The following MTDH variants were observed in gnomAD, a reference collection of about 807,000 sequenced individuals.
The protein encoded by MTDH is metadherin, also known as protein LYRIC.
In MTDH, 34 loss-of-function variants were observed where a neutral mutation model predicts 72.7. The ratio of observed to expected loss-of-function variants is 0.47; its 90% CI spans 0.36 to 0.62. The LOEUF is 0.62. MTDH is among the 20% of genes least tolerant of loss of function. The probability of loss-of-function intolerance (pLI) is 0.00; values close to 1 mark genes in which losing one functional copy is unlikely to be tolerated. For synonymous variants in MTDH, 266 were observed against 268.9 expected (o/e 0.99, Z 0.10); for missense variants, 677 against 699.4 (o/e 0.97, Z 0.36).
intron 1 of MTDH, among the ~76,000 whole-genome samples, chr8:97,645,772 A>G (rs1811541842): frequency 6.6e-6 from 1 of 152,138 alleles, no homozygotes; most frequent in Admixed American, 6.5e-5. Flanking sequence ...TTCTCCCATT[A>G]TATCTTTCAT....
At position 97,723,049 on chromosome 8, in the gene MTDH, A is replaced by G; in HGVS notation, c.1678+14A>G. ...CTCCTTCACAGAGTAAGTAATCCTC[A>G]TTTTTTGTTCCTTTGTACTGTTTAC... On this transcript the variant is annotated intron_variant, in intron 11 of 11. Coordinates refer to ENST00000336273, the MANE Select transcript of MTDH (RefSeq NM_178812.4). 6.2e-7 allele frequency: 1 copy of G among 1,611,110 alleles called. No homozygotes were observed. Among genetic ancestry groups the G allele is most frequent in the African/African-American group, 1.3e-5 (1 of 74,858 alleles).
rs79417311 is a variant in MTDH, at chr8:97,682,861, A to G, written c.484-3807A>G. On this transcript the variant is annotated intron_variant, in intron 2 of 11. Coordinates refer to ENST00000336273, the MANE Select transcript of MTDH (RefSeq NM_178812.4). ...GAGGTTAGTAGGAATTTTTGTCCAT[A>G]TGACGGGTGGGGAACAGGGTTTAGA... 7.6e-3 allele frequency among the ~76,000 whole-genome samples: 1,158 copies of G among 151,948 alleles called. 14 individuals carry two copies. The highest frequency in any genetic ancestry group is 0.026 in the African/African-American group (1,081 of 41,462).
chr8:97,709,831 T>C (rs1191810568), intron 8 of MTDH, among the ~76,000 whole-genome samples: 3 of 152,232 alleles, frequency 2.0e-5, no homozygotes, highest in African/African-American at 7.2e-5. Flanking sequence ...GTAATGTCCT[T>C]TTTATTTAAA....
intron 2 of MTDH, among the ~76,000 whole-genome samples, chr8:97,685,370 T>C (rs1389346047): frequency 6.6e-6 from 1 of 152,218 alleles, no homozygotes; most frequent in African/African-American, 2.4e-5. Context: ...ATGTAATCTC[T>C]TGTCAAAGAC....
chr8:97,668,320 A>G (rs1229749323), intron 2 of MTDH, among the ~76,000 whole-genome samples: 2 of 152,168 alleles, frequency 1.3e-5, no homozygotes, highest in Non-Finnish European at 1.5e-5. Context: ...GAAGATCTTT[A>G]TAACTCAGTG....
intron 2 of MTDH, among the ~76,000 whole-genome samples, chr8:97,667,092 G>A (rs1812423135): frequency 6.6e-6 from 1 of 152,148 alleles, no homozygotes; most frequent in African/African-American, 2.4e-5. Context: ...CCAGGCTCAA[G>A]CAATCCTTCT....
At chr8:97,666,677 C>T (rs1812402273) in intron 2 of MTDH, among the ~76,000 whole-genome samples, 1 of 152,162 alleles carries the variant, frequency 6.6e-6, no homozygotes, top group Non-Finnish European at 1.5e-5. Flanking sequence ...GGCAGTGGAA[C>T]CAAACTTCCA....
At chr8:97,663,622 G>A (rs368889982) in intron 2 of MTDH, among the ~76,000 whole-genome samples, 8 of 151,926 alleles carry the variant, frequency 5.3e-5, no homozygotes, top group African/African-American at 7.3e-5. Context: ...GGTAGCGGGC[G>A]CCTGTAGTCC....
rs778309192 is a variant in MTDH at position 97,644,721 on chromosome 8, C to T, written c.215C>T (p.Ala72Val). The change falls in exon 1 of 12, where the codon GCC becomes GTC. Residue 72 changes from alanine (A) to valine (V), a missense_variant. This residue lies in a region of MTDH where 467 missense variants were observed against 469.1 expected (regional missense o/e 1.00). Transcript: ENST00000336273. The stretch of plus-strand genomic sequence containing the variant: ...CTGTTTCTGCTGGGCTACGGCTGGG[C>T]CGCGGCTTGCGCCGGCGCCCGCAAA... Reference protein sequence around the residue: ...LLLFLLGYGWAAACAGARKKR... With the variant: ...LLLFLLGYGWVAACAGARKKR... 5 of 1,586,524 alleles carry T rather than the reference C, an allele frequency of 3.2e-6. No individual in the cohort carries two copies. The South Asian group carries it at 3.4e-5, about 11-fold the overall frequency.
At chr8:97,652,899 C>T (rs985435669) in intron 1 of MTDH, among the ~76,000 whole-genome samples, 3 of 151,882 alleles carry the variant, frequency 2.0e-5, no homozygotes, top group Non-Finnish European at 2.9e-5. Context: ...TTCGGGCGGA[C>T]CACCAGGTCA....
chr8:97,729,784 C>T lies in MTDH; in HGVS notation c.*5114C>T, dbSNP rs1815490488. 1.3e-5 allele frequency among the ~76,000 whole-genome samples: 2 copies of T among 152,090 alleles called. No individual in the cohort carries two copies. The highest frequency in any genetic ancestry group is 2.4e-5 in the African/African-American group (1 of 41,406). On this transcript the variant is annotated 3_prime_UTR_variant, in exon 12 of 12. Coordinates refer to ENST00000336273, the MANE Select transcript of MTDH (RefSeq NM_178812.4). ...GGGATTACAGGCATGAACCACTGTGCCCAGTCTATATATAATAGATTTTAG... is the reference window on the plus strand; with the variant it reads ...GGGATTACAGGCATGAACCACTGTGTCCAGTCTATATATAATAGATTTTAG...
intron 1 of MTDH, among the ~76,000 whole-genome samples, chr8:97,653,177 A>T (rs1811842450): frequency 6.6e-6 from 1 of 152,228 alleles, no homozygotes; most frequent in South Asian, 2.1e-4. Flanking sequence ...ATTATAAGTA[A>T]AACAAATATT....
chr8:97,659,589 G>A (rs2130929522), intron 1 of MTDH, among the ~76,000 whole-genome samples: 2 of 152,300 alleles, frequency 1.3e-5, no homozygotes, highest in Admixed American at 1.3e-4. Context: ...ACAAATGCAT[G>A]TTAAGTCATA....
intron 9 of MTDH, among the ~76,000 whole-genome samples, chr8:97,714,476 C>A (rs907339815): frequency 6.9e-6 from 1 of 144,700 alleles, no homozygotes; most frequent in African/African-American, 2.5e-5. Flanking sequence ...CGGTGGCATA[C>A]GCTTGTAGCC....
intron 7 of MTDH, among the ~76,000 whole-genome samples, chr8:97,700,472 ATTT>A (rs1259079477): frequency 2.0e-5 from 3 of 152,028 alleles, no homozygotes; most frequent in Non-Finnish European, 4.4e-5. Context: ...GTTTTCCACC[ATTT>A]TTAAGCATAT....
At chr8:97,696,950 G>A (rs1247447721) in intron 6 of MTDH, among the ~76,000 whole-genome samples, 1 of 149,626 alleles carries the variant, frequency 6.7e-6, no homozygotes, top group East Asian at 2.0e-4. Flanking sequence ...ACCACATAAA[G>A]TTAAAGAAAA....
chr8:97,688,012 G>A (rs1339061061), intron 4 of MTDH, among the ~76,000 whole-genome samples: 1 of 152,182 alleles, frequency 6.6e-6, no homozygotes, highest in Non-Finnish European at 1.5e-5. Flanking sequence ...ATGTTCTGGT[G>A]AGTGCAGGTT....
intron 7 of MTDH, among the ~76,000 whole-genome samples, chr8:97,703,935 A>G (rs1490322062): frequency 1.3e-5 from 2 of 152,214 alleles, no homozygotes; most frequent in East Asian, 1.9e-4. Context: ...TCATCTTGTT[A>G]TTAAGTGGTA....
intron 2 of MTDH, among the ~76,000 whole-genome samples, chr8:97,683,673 T>C (rs1179654427): frequency 6.6e-6 from 1 of 152,024 alleles, no homozygotes; most frequent in Non-Finnish European, 1.5e-5. Context: ...GGATTACAGG[T>C]GTAAACCACC....
Sources: gnomAD v4.1 joint callset for allele counts (sites outside exome capture counted in the v4.1 genomes callset) on GRCh38, gnomAD v4.1.1 for gene constraint, gnomAD v4.1.1 regional missense constraint, MANE v1.5 for transcripts, NCBI Gene and HGNC (gene_info 2026-07-23, HGNC 2026-07-21) for gene names.